PRKCA: variants seen among roughly 807,000 people sequenced by gnomAD.
The protein encoded by PRKCA is protein kinase C alpha.
Under a neutral mutation model 87.0 loss-of-function variants are expected in PRKCA, and 27 were observed. The observed-to-expected ratio is 0.31, with a 90% confidence interval of 0.23 to 0.43. The LOEUF is 0.43. Ranked by LOEUF, PRKCA falls within the 20% of genes least tolerant of loss-of-function variation. PRKCA has a pLI of 1.00. For missense variants in PRKCA, 518 were observed against 852.3 expected (o/e 0.61, Z 4.88); for synonymous variants, 329 against 311.1 (o/e 1.06, Z -0.61).
At chr17:66,642,901 G>A (rs1167355508) in intron 4 of PRKCA, among the ~76,000 whole-genome samples, 1 of 152,088 alleles carries the variant, frequency 6.6e-6, no homozygotes, top group African/African-American at 2.4e-5. Flanking sequence ...AATTAGTCTG[G>A]TGGTGGTGGT....
At chr17:66,650,155 C>G (rs1316632457) in intron 5 of PRKCA, among the ~76,000 whole-genome samples, 6 of 152,212 alleles carry the variant, frequency 3.9e-5, no homozygotes, top group African/African-American at 1.4e-4. Flanking sequence ...TGTAGAATCA[C>G]TCAGGTTGAA....
intron 2 of PRKCA, among the ~76,000 whole-genome samples, chr17:66,488,045 C>A (rs1392033696): frequency 6.6e-6 from 1 of 152,052 alleles, no homozygotes; most frequent in Non-Finnish European, 1.5e-5. Context: ...AGCATAAAAC[C>A]CCTGTTTAAA....
At chr17:66,513,898 T>C (rs576683337) in intron 3 of PRKCA, among the ~76,000 whole-genome samples, 1 of 152,326 alleles carries the variant, frequency 6.6e-6, no homozygotes, top group South Asian at 2.1e-4. Context: ...TAAGGTGATT[T>C]GACATAGGGA....
At chr17:66,773,568 G>A (rs950886798) in intron 13 of PRKCA, among the ~76,000 whole-genome samples, 1 of 147,090 alleles carries the variant, frequency 6.8e-6, no homozygotes, top group Non-Finnish European at 1.5e-5. Flanking sequence ...CACCCAAGCT[G>A]GTTTCAAACT....
chr17:66,342,052 C>T (rs1359689694), intron 2 of PRKCA, among the ~76,000 whole-genome samples: 1 of 152,212 alleles, frequency 6.6e-6, no homozygotes, highest in Non-Finnish European at 1.5e-5. Flanking sequence ...CTGCTGCACA[C>T]AGACACCAAG....
At chr17:66,612,497 T>G (rs1055844413) in intron 3 of PRKCA, among the ~76,000 whole-genome samples, 1 of 152,112 alleles carries the variant, frequency 6.6e-6, no homozygotes, top group African/African-American at 2.4e-5. Context: ...TAGGGCTCAT[T>G]CTGGTAGTGG....
chr17:66,725,052 A>G (rs1243773107), intron 8 of PRKCA, among the ~76,000 whole-genome samples: 1 of 152,126 alleles, frequency 6.6e-6, no homozygotes. Context: ...AACCCTTCCA[A>G]GGGCATGGTT....
intron 2 of PRKCA, among the ~76,000 whole-genome samples, chr17:66,316,869 G>A (rs1383705464): frequency 1.3e-5 from 2 of 152,136 alleles, no homozygotes; most frequent in African/African-American, 2.4e-5. Context: ...GCAGCCGGGC[G>A]TGGTGGCTCA....
chr17:66,690,044 C>G (rs1412894234), intron 8 of PRKCA, among the ~76,000 whole-genome samples: 1 of 151,768 alleles, frequency 6.6e-6, no homozygotes, highest in Non-Finnish European at 1.5e-5. Context: ...AAGAAACATA[C>G]AGATCTGGGG....
chr17:66,549,804 T>C (rs7220127), intron 3 of PRKCA, among the ~76,000 whole-genome samples: 80,774 of 152,094 alleles, frequency 0.53, 22,780 homozygotes, highest in African/African-American at 0.74. Context: ...TGTTCTTATT[T>C]GCCCCTTTTT....
At chr17:66,397,157 G>A (rs1308251374) in intron 2 of PRKCA, among the ~76,000 whole-genome samples, 1 of 150,702 alleles carries the variant, frequency 6.6e-6, no homozygotes, top group Non-Finnish European at 1.5e-5. Context: ...GTAGAGACAG[G>A]GTTTCTCCAT....
chr17:66,390,441 G>A (rs1266554650), intron 2 of PRKCA, among the ~76,000 whole-genome samples: 2 of 152,122 alleles, frequency 1.3e-5, no homozygotes, highest in Non-Finnish European at 2.9e-5. Context: ...GTGGGCTCTC[G>A]CTCAGCTTTT....
At chr17:66,448,383 G>T (rs886789911) in intron 2 of PRKCA, among the ~76,000 whole-genome samples, 1 of 152,226 alleles carries the variant, frequency 6.6e-6, no homozygotes, top group Admixed American at 6.5e-5. Context: ...AAATCGAGAC[G>T]CCTGATGGAA....
intron 13 of PRKCA, among the ~76,000 whole-genome samples, chr17:66,759,061 A>T (rs1005189378): frequency 1.3e-5 from 2 of 152,192 alleles, no homozygotes; most frequent in Non-Finnish European, 2.9e-5. Context: ...GTGTTATTTG[A>T]AAGTAGACTT....
Position 66,348,850 on chromosome 17 carries a change from C to G in PRKCA, c.205+42723C>G, listed in dbSNP as rs1567783898. Among the ~76,000 whole-genome samples, 7 of 152,278 alleles carry G rather than the reference C, an allele frequency of 4.6e-5. No homozygotes were observed. The South Asian group carries it at 1.5e-3, about 32-fold the overall frequency. Reference sequence around the variant, plus strand: ...TGTGGATAATGGAGTTGTAAAATTACTCTCAGCTTTAGTCAGCAGCAACCA... The same window carrying G: ...TGTGGATAATGGAGTTGTAAAATTAGTCTCAGCTTTAGTCAGCAGCAACCA... On this transcript the variant is annotated intron_variant, in intron 2 of 16. Transcript: ENST00000413366.
intron 2 of PRKCA, among the ~76,000 whole-genome samples, chr17:66,313,618 G>T (rs1905175757): frequency 6.6e-6 from 1 of 152,192 alleles, no homozygotes. Flanking sequence ...CCAGCTTTTA[G>T]TACTTGTTTG....
intron 2 of PRKCA, among the ~76,000 whole-genome samples, chr17:66,419,125 A>G (rs1912346791): frequency 6.6e-6 from 1 of 152,116 alleles, no homozygotes; most frequent in Non-Finnish European, 1.5e-5. Context: ...TTGCGTATAT[A>G]CATGGGCTCA....
chr17:66,333,966 A>G (rs1305911081), intron 2 of PRKCA, among the ~76,000 whole-genome samples: 3 of 152,208 alleles, frequency 2.0e-5, no homozygotes, highest in African/African-American at 7.2e-5. Flanking sequence ...AGTGTAAAAA[A>G]GAGGCCGGGC....
chr17:66,633,523 C>A lies in PRKCA; in HGVS notation c.289-7832C>A, dbSNP rs1971077919. On this transcript the variant is annotated intron_variant, in intron 3 of 16. Transcript: ENST00000413366. Reference sequence around the variant, plus strand: ...ATTTCCCTTGGTACTTAGAGGGGAGCAGCTTCAAGGAGGCATACTGCTCTG... The same window carrying A: ...ATTTCCCTTGGTACTTAGAGGGGAGAAGCTTCAAGGAGGCATACTGCTCTG... 3.3e-5 allele frequency among the ~76,000 whole-genome samples: 5 copies of A among 152,250 alleles called. No homozygotes were observed. The South Asian group carries it at 1.0e-3, about 32-fold the overall frequency.
Sources: gnomAD v4.1 joint callset for allele counts (sites outside exome capture counted in the v4.1 genomes callset) on GRCh38, gnomAD v4.1.1 for gene constraint, MANE v1.5 for transcripts, NCBI Gene and HGNC (gene_info 2026-07-23, HGNC 2026-07-21) for gene names.